Variants in DOCK10 observed in about 807,000 individuals in gnomAD.
DOCK10 encodes the protein dedicator of cytokinesis 10.
DOCK10 carries 145 observed loss-of-function variants against 280.1 expected under a neutral mutation model. That is an observed-to-expected ratio of 0.52 (90% confidence interval 0.45 to 0.59). The LOEUF (loss-of-function observed/expected upper bound fraction) is 0.59, where lower values mean the gene tolerates loss of function less well. DOCK10 is among the 20% of genes least tolerant of loss of function. The pLI, the probability that DOCK10 is intolerant of heterozygous loss-of-function variation, is 0.00. For synonymous variants in DOCK10, 915 were observed against 942.2 expected, an observed-to-expected ratio of 0.97 and a Z score of 0.53; for missense variants, 2,368 against 2,651.7, an observed-to-expected ratio of 0.89 and a Z score of 2.35.
At chr2:224,830,920 T>TTTTATTTATTTATTTATTTATTTA (rs61701805) in intron 26 of DOCK10, among the ~76,000 whole-genome samples, 2,128 of 148,600 alleles carry the variant, frequency 0.014, 30 homozygotes, top group African/African-American at 0.024. Context: ...CTAAACAAAC[T>TTTTATTTATTTATTTATTTATTTA]TTTATTTATT....
intron 4 of DOCK10, among the ~76,000 whole-genome samples, chr2:224,887,407 A>G (rs1397629088): frequency 6.6e-6 from 1 of 152,184 alleles, no homozygotes; most frequent in African/African-American, 2.4e-5. Flanking sequence ...TTTCCATGGT[A>G]TCCTAGAAAT....
Position 225,042,399 on chromosome 2 carries a change from G to T in DOCK10, c.-25C>A, listed in dbSNP as rs1021575141. On this transcript the variant is annotated 5_prime_UTR_variant, in exon 1 of 56. Coordinates refer to ENST00000258390, the MANE Select transcript of DOCK10 (RefSeq NM_014689.3). The surrounding 1 kb of genome is among the most constrained non-coding windows in gnomAD (Gnocchi z 5.1). ...TCGCCGGTCACGCCAATCGCGCCGC[G>T]GGCCCGGGGCGCGCCTCCCGCCGGT... The T allele has an allele frequency of 3.2e-6, 4 of 1,233,766 alleles. No individual in the cohort carries two copies. Among genetic ancestry groups the T allele is most frequent in the East Asian group, 6.5e-5 (2 of 30,994 alleles). The allele number at this position is 1,233,766 out of a possible 1,614,324, so 76.4% of individuals were successfully genotyped here.
intron 15 of DOCK10, 22 bp from the exon 16 acceptor site, chr2:224,855,064 G>GACACAC (rs60658292): frequency 0.17 from 94,576 of 571,448 alleles, 4,750 homozygotes; most frequent in East Asian, 0.2. Flanking sequence ...CATGAGCAAG[G>GACACAC]ACACACACAC....
intron 14 of DOCK10, chr2:224,861,027 C>T (rs1408284429): frequency 1.3e-5 from 2 of 152,198 alleles, no homozygotes; most frequent in African/African-American, 2.4e-5. Flanking sequence ...GACATCTTGC[C>T]TCTACTTGCC....
chr2:225,034,333 C>T (rs1330358792), intron 1 of DOCK10, among the ~76,000 whole-genome samples: 3 of 152,160 alleles, frequency 2.0e-5, no homozygotes, highest in Non-Finnish European at 2.9e-5. Flanking sequence ...GCATCTCTTT[C>T]CTCATCTATA....
intron 29 of DOCK10, among the ~76,000 whole-genome samples, chr2:224,817,767 A>G (rs982302783): frequency 1.3e-5 from 2 of 152,242 alleles, no homozygotes; most frequent in Non-Finnish European, 2.9e-5. Flanking sequence ...ACCAGATGAC[A>G]TAAAATCATG....
intron 53 of DOCK10, among the ~76,000 whole-genome samples, chr2:224,772,682 A>C (rs933499169): frequency 6.6e-6 from 1 of 152,086 alleles, no homozygotes; most frequent in South Asian, 2.1e-4. Flanking sequence ...TATTTACTCT[A>C]TCCTCCTCAA....
chr2:224,961,299 C>A (rs1704369864), intron 1 of DOCK10, among the ~76,000 whole-genome samples: 1 of 152,174 alleles, frequency 6.6e-6, no homozygotes, highest in Non-Finnish European at 1.5e-5. Flanking sequence ...CTTCTCACTG[C>A]AGAATTCCTC....
chr2:224,816,701 A>T lies in DOCK10; in HGVS notation c.3280T>A (p.Tyr1094Asn). Residue 1094 changes from tyrosine to asparagine, a missense_variant, in exon 30 of 56, where the codon TAT (tyrosine) becomes AAT (asparagine). By Grantham distance (143) the Tyr-to-Asn change is moderately radical (BLOSUM62 -2). This residue lies in a region of DOCK10 where 1,159 missense variants were observed against 1,400.8 expected (regional missense o/e 0.83). Coordinates refer to ENST00000258390, the MANE Select transcript of DOCK10 (RefSeq NM_014689.3). The part of the protein sequence containing the change: ...SSGDLKTLCQ[Y>N]KFDFLQEVCQ... Reference sequence around the variant, plus strand: ...ACTTCTTGAAGAAAATCAAATTTATACTGGCACAAGGTCTGAAAGAGAGGC... The same window carrying T: ...ACTTCTTGAAGAAAATCAAATTTATTCTGGCACAAGGTCTGAAAGAGAGGC... 2 of 1,596,916 alleles carry T rather than the reference A, an allele frequency of 1.3e-6. No individual in the cohort carries two copies. Among genetic ancestry groups the T allele is most frequent in the Non-Finnish European group, 1.7e-6 (2 of 1,168,212 alleles).
intron 1 of DOCK10, among the ~76,000 whole-genome samples, chr2:224,950,666 G>T (rs1005434341): frequency 6.6e-6 from 1 of 152,204 alleles, no homozygotes; most frequent in Non-Finnish European, 1.5e-5. Context: ...CATGTTGAAT[G>T]TTGCATCCAG....
In DOCK10 at chr2:224,800,205, C is replaced by T. The variant is rs187100530; in HGVS notation, c.4452G>A (p.Thr1484=). Reference sequence around the variant, plus strand: ...GGTCCAGAATAGTGAGGCAAACCTCCGTAGCTATATTGGCCTCAGTGTCTA... The same window carrying T: ...GGTCCAGAATAGTGAGGCAAACCTCTGTAGCTATATTGGCCTCAGTGTCTA... The part of the protein sequence containing the change: ...HHVDTEANIA[T]EVCLTILDLL... Residue 1484 remains threonine, a synonymous_variant, in exon 41 of 56, where the codon ACG becomes ACA. Transcript: ENST00000258390. The T allele has an allele frequency of 8.9e-5, 144 of 1,612,114 alleles. No homozygotes were observed. Among genetic ancestry groups the T allele is most frequent in the Non-Finnish European group, 1.1e-4 (124 of 1,178,830 alleles).
chr2:225,007,498 G>A (rs972174554), intron 1 of DOCK10, among the ~76,000 whole-genome samples: 1 of 152,156 alleles, frequency 6.6e-6, no homozygotes, highest in Non-Finnish European at 1.5e-5. Context: ...ATTAAAAGAA[G>A]ATCCTGATTT....
At chr2:224,844,901 T>C (rs1171864978) in intron 21 of DOCK10, 62 bp from the exon 22 acceptor site, 3 of 1,210,946 alleles carry the variant, frequency 2.5e-6, no homozygotes, top group Non-Finnish European at 3.6e-6. Context: ...ATAAATAGAT[T>C]GTTTAGTTTA....
At chr2:224,795,850 G>A (rs1248556794) in intron 44 of DOCK10, among the ~76,000 whole-genome samples, 1 of 152,098 alleles carries the variant, frequency 6.6e-6, no homozygotes, top group Non-Finnish European at 1.5e-5. Flanking sequence ...CCCAAATAGA[G>A]TTAGGAGTGT....
chr2:224,996,439 C>T (rs1706274098), intron 1 of DOCK10, among the ~76,000 whole-genome samples: 1 of 152,200 alleles, frequency 6.6e-6, no homozygotes, highest in African/African-American at 2.4e-5. Context: ...AACTTCTCTG[C>T]ATTTCATCTG....
chr2:224,905,234 ATTT>A (rs201582173), intron 3 of DOCK10, among the ~76,000 whole-genome samples: 27 of 111,538 alleles, frequency 2.4e-4, no homozygotes, highest in African/African-American at 8.7e-4. Flanking sequence ...CTATGGAACT[ATTT>A]TTTTTTTTTT....
At chr2:224,862,591 A>C (rs920111170) in intron 14 of DOCK10, 73 bp downstream of exon 14, 17 of 1,249,062 alleles carry the variant, frequency 1.4e-5, no homozygotes, top group Non-Finnish European at 1.9e-5. Context: ...CAACACAAAA[A>C]CGTTCAAAAC....
intron 3 of DOCK10, among the ~76,000 whole-genome samples, chr2:224,911,445 T>G (rs987667343): frequency 1.3e-5 from 2 of 152,190 alleles, no homozygotes; most frequent in African/African-American, 4.8e-5. Context: ...TCTCTTGTGT[T>G]GTATGGATCC....
At chr2:224,917,839 C>T (rs899922543) in intron 2 of DOCK10, among the ~76,000 whole-genome samples, 5 of 152,156 alleles carry the variant, frequency 3.3e-5, no homozygotes, top group African/African-American at 1.2e-4. Context: ...CACTTCCAGC[C>T]ATCTGCTTCC....
Sources: allele counts gnomAD v4.1 joint callset (sites outside exome capture counted in the v4.1 genomes callset), GRCh38; gene constraint gnomAD v4.1.1; regional missense constraint gnomAD v4.1.1; non-coding constraint Gnocchi (gnomAD v3.1); transcripts MANE v1.5; gene names NCBI Gene and HGNC (gene_info 2026-07-23, HGNC 2026-07-21).